Variants in PARD3 observed in about 807,000 individuals in gnomAD.
The protein encoded by PARD3 is partitioning defective 3 homolog.
PARD3 carries 75 observed loss-of-function variants against 155.4 expected under a neutral mutation model. The ratio of observed to expected loss-of-function variants is 0.48; its 90% confidence interval spans 0.40 to 0.58. The LOEUF (loss-of-function observed/expected upper bound fraction) is 0.58. PARD3 is among the 20% of genes least tolerant of loss of function. The pLI is 0.00. For missense variants in PARD3, 1,642 were observed against 1,721.7 expected (o/e 0.95, Z 0.82); for synonymous variants, 576 against 610.5 (o/e 0.94, Z 0.83).
intron 19 of PARD3, among the ~76,000 whole-genome samples, chr10:34,323,676 C>G (rs1958512384): frequency 6.6e-6 from 1 of 152,200 alleles, no homozygotes; most frequent in Non-Finnish European, 1.5e-5. Flanking sequence ...ACTTGACATT[C>G]TAAACTTCTC....
intron 2 of PARD3, among the ~76,000 whole-genome samples, chr10:34,549,704 T>A (rs1001682914): frequency 6.6e-6 from 1 of 152,164 alleles, no homozygotes; most frequent in East Asian, 1.9e-4. Flanking sequence ...CCACTATTTT[T>A]AAAATTTTCA....
intron 5 of PARD3, among the ~76,000 whole-genome samples, chr10:34,412,266 T>A (rs1428665236): frequency 2.6e-5 from 4 of 152,136 alleles, no homozygotes; most frequent in Admixed American, 1.3e-4. Context: ...CCAGCCAAAC[T>A]AGCCATTAAT....
At chr10:34,288,679 T>C (rs888513629) in intron 20 of PARD3, among the ~76,000 whole-genome samples, 1 of 152,120 alleles carries the variant, frequency 6.6e-6, no homozygotes, top group Non-Finnish European at 1.5e-5. Context: ...CTGGAAGATA[T>C]CAATTATTTG....
At chr10:34,268,565 T>C (rs1439531453) in intron 22 of PARD3, among the ~76,000 whole-genome samples, 1 of 151,998 alleles carries the variant, frequency 6.6e-6, no homozygotes, top group Non-Finnish European at 1.5e-5. Context: ...TAAGAAAATG[T>C]GGCACATACA....
At chr10:34,773,223 T>C (rs556524893) in intron 1 of PARD3, among the ~76,000 whole-genome samples, 27 of 152,358 alleles carry the variant, frequency 1.8e-4, no homozygotes, top group African/African-American at 5.8e-4. Flanking sequence ...CACTTAGATA[T>C]TATGTTAGTT....
chr10:34,418,423 G>A (rs982756037), intron 5 of PARD3, among the ~76,000 whole-genome samples: 5 of 152,022 alleles, frequency 3.3e-5, no homozygotes, highest in African/African-American at 1.2e-4. Flanking sequence ...ATCTGCCCAC[G>A]TAGGCCTCCC....
At position 34,707,699 on chromosome 10, in the gene PARD3, A is replaced by T. The variant is rs770510719; in HGVS notation, c.121-11280T>A. On this transcript the variant is annotated intron_variant, in intron 1 of 24. Coordinates refer to ENST00000374788, the MANE Select transcript of PARD3 (RefSeq NM_001184785.2). Reference sequence around the variant, plus strand: ...TACATCTTTAAAATGGTTACCATGAACACACACACACATATTTGTCTCCTA... The same window carrying T: ...TACATCTTTAAAATGGTTACCATGATCACACACACACATATTTGTCTCCTA... Among the ~76,000 whole-genome samples the T allele has an allele frequency of 5.3e-5, 8 of 152,244 alleles. No homozygotes were observed. The East Asian group carries it at 1.4e-3, about 26-fold the overall frequency.
chr10:34,440,217 G>A (rs2076394614), intron 5 of PARD3, among the ~76,000 whole-genome samples: 1 of 151,930 alleles, frequency 6.6e-6, no homozygotes, highest in Non-Finnish European at 1.5e-5. Context: ...CACAGGCAGT[G>A]AAAAAAACAC....
intron 5 of PARD3, among the ~76,000 whole-genome samples, chr10:34,425,979 C>T (rs1016876958): frequency 1.3e-5 from 2 of 152,140 alleles, no homozygotes; most frequent in African/African-American, 4.8e-5. Flanking sequence ...ACCCAATAAA[C>T]TATCAGGTAT....
intron 3 of PARD3, among the ~76,000 whole-genome samples, chr10:34,512,289 A>G (rs1214374391): frequency 6.6e-6 from 1 of 152,216 alleles, no homozygotes; most frequent in African/African-American, 2.4e-5. Context: ...TTTCCAAATA[A>G]TAAGATGGCT....
rs187832056 is a variant in PARD3, at chr10:34,807,792, T to C, written c.120+7084A>G. ...GTGAAAAAAATAAATAATTGATATTTAAAGTCACTTGGATGTGGAGCTTGA... is the reference window on the plus strand; with the variant it reads ...GTGAAAAAAATAAATAATTGATATTCAAAGTCACTTGGATGTGGAGCTTGA... On this transcript the variant is annotated intron_variant, in intron 1 of 24. Coordinates refer to ENST00000374788, the MANE Select transcript of PARD3 (RefSeq NM_001184785.2). Among the ~76,000 whole-genome samples the C allele has an allele frequency of 3.4e-3, 516 of 152,216 alleles. 4 individuals are homozygous for C. Among genetic ancestry groups the C allele is most frequent in the African/African-American group, 0.011 (457 of 41,502 alleles).
chr10:34,701,901 G>A (rs901818369), intron 1 of PARD3, among the ~76,000 whole-genome samples: 1 of 152,080 alleles, frequency 6.6e-6, no homozygotes, highest in Admixed American at 6.5e-5. Context: ...GGTGGCTTAC[G>A]CCTGTAATCC....
At chr10:34,145,221 A>ATATATATATTTTTTTTTTTTT (rs1491430560) in intron 22 of PARD3, among the ~76,000 whole-genome samples, 1 of 33,972 alleles carries the variant, frequency 2.9e-5, no homozygotes, top group African/African-American at 1.4e-4. Flanking sequence ...ATATATATAT[A>ATATATATATTTTTTTTTTTTT]TTTTTTTTTT....
chr10:34,164,813 T>TACACGC (rs565878253), intron 22 of PARD3, among the ~76,000 whole-genome samples: 1 of 152,120 alleles, frequency 6.6e-6, no homozygotes, highest in Admixed American at 6.5e-5. Flanking sequence ...CATACACACA[T>TACACGC]ATACAATTAT....
At chr10:34,351,291 C>T (rs1004823287) in intron 14 of PARD3, among the ~76,000 whole-genome samples, 17 of 152,034 alleles carry the variant, frequency 1.1e-4, no homozygotes, top group Admixed American at 9.8e-4. Flanking sequence ...CAATGCCTAG[C>T]GTAGAGCAGG....
intron 2 of PARD3, among the ~76,000 whole-genome samples, chr10:34,525,468 A>G (rs2082409042): frequency 6.6e-6 from 1 of 152,212 alleles, no homozygotes; most frequent in African/African-American, 2.4e-5. Context: ...GGTTTGTGAT[A>G]TTAGAGCAGT....
chr10:34,688,834 A>G (rs1480388584), intron 2 of PARD3, among the ~76,000 whole-genome samples: 1 of 152,200 alleles, frequency 6.6e-6, no homozygotes, highest in African/African-American at 2.4e-5. Context: ...CATTTAAAAT[A>G]CTGCCTCTTC....
At chr10:34,418,424 T>C (rs756314360) in intron 5 of PARD3, among the ~76,000 whole-genome samples, 29 of 152,200 alleles carry the variant, frequency 1.9e-4, no homozygotes, top group Non-Finnish European at 3.5e-4. Context: ...TCTGCCCACG[T>C]AGGCCTCCCA....
chr10:34,556,925 T>C (rs934713793), intron 2 of PARD3, among the ~76,000 whole-genome samples: 9 of 152,148 alleles, frequency 5.9e-5, no homozygotes, highest in African/African-American at 1.9e-4. Flanking sequence ...CACATAGATA[T>C]ACCTGATTCT....
Sources: allele counts gnomAD v4.1 joint callset (sites outside exome capture counted in the v4.1 genomes callset), GRCh38; gene constraint gnomAD v4.1.1; transcripts MANE v1.5; gene names NCBI Gene and HGNC (gene_info 2026-07-23, HGNC 2026-07-21).